ANKFY1: variants seen among roughly 807,000 people sequenced by gnomAD.
The protein encoded by ANKFY1 is ankyrin repeat and FYVE domain containing 1, also known as ankyrin repeat and FYVE domain-containing protein 1.
A neutral mutation model predicts 128.3 loss-of-function variants in ANKFY1; 47 were observed. The ratio of observed to expected loss-of-function variants is 0.37; its 90% CI spans 0.29 to 0.47. The LOEUF is 0.47. ANKFY1 is among the 20% of genes least tolerant of loss of function. The probability of loss-of-function intolerance (pLI) is 1.00; values close to 1 mark genes in which losing one functional copy is unlikely to be tolerated. For missense variants in ANKFY1, 1,222 were observed against 1,510.6 expected, an observed-to-expected ratio of 0.81 and a Z score of 3.17; for synonymous variants, 553 against 601.6, an observed-to-expected ratio of 0.92 and a Z score of 1.18.
intron 7 of ANKFY1, among the ~76,000 whole-genome samples, chr17:4,203,827 C>CAAAAAAAAAAAA (rs773865349): frequency 7.6e-4 from 59 of 77,712 alleles, no homozygotes; most frequent in East Asian, 2.0e-3. Context: ...ACAACAACAA[C>CAAAAAAAAAAAA]AAAAAAAAAA....
intron 3 of ANKFY1, among the ~76,000 whole-genome samples, chr17:4,219,154 A>C (rs899000820): frequency 6.6e-6 from 1 of 152,146 alleles, no homozygotes; most frequent in Admixed American, 6.5e-5. Flanking sequence ...CAATCTTTTT[A>C]AGTTAAAATA....
At chr17:4,220,606 T>C (rs2060294552) in intron 3 of ANKFY1, among the ~76,000 whole-genome samples, 1 of 152,252 alleles carries the variant, frequency 6.6e-6, no homozygotes, top group Admixed American at 6.5e-5. Flanking sequence ...GAGGGCTTGA[T>C]ATTTCAAACA....
chr17:4,223,496 G>A lies in ANKFY1; in HGVS notation c.323-6378C>T, dbSNP rs1308799646. The A allele has an allele frequency of 6.8e-6, 8 of 1,178,550 alleles. No individual in the cohort carries two copies. The Admixed American group carries it at 1.3e-4, about 20-fold the overall frequency. The allele number at this position is 1,178,550 out of a possible 1,614,324, so 73.0% of individuals were successfully genotyped here. A position where few individuals can be genotyped will look rare whatever the true frequency, so the allele number is the denominator to read the frequency against. ...CAATGCCGTCTCATGGACTATCACT[G>A]TCTGGGGGACAATGAAAACAGGCCA... On this transcript the variant is annotated intron_variant, in intron 3 of 24. Transcript: ENST00000341657.
chr17:4,217,825 G>A (rs1473429941), intron 3 of ANKFY1, among the ~76,000 whole-genome samples: 2 of 151,928 alleles, frequency 1.3e-5, no homozygotes, highest in African/African-American at 2.4e-5. Flanking sequence ...AGCTGGGACC[G>A]CAGGTGCATG....
At chr17:4,252,834 T>A (rs8074058) in intron 1 of ANKFY1, among the ~76,000 whole-genome samples, 79,250 of 152,060 alleles carry the variant, frequency 0.52, 22,735 homozygotes, top group East Asian at 0.8. Context: ...CACATCCATA[T>A]AATGGAAGAG....
At position 4,167,834 on chromosome 17, in the gene ANKFY1, G is replaced by A; in HGVS notation, c.3455C>T (p.Pro1152Leu). 1 of 1,614,056 alleles carries A rather than the reference G, an allele frequency of 6.2e-7. No individual in the cohort carries two copies. The highest frequency in any genetic ancestry group is 8.5e-7 in the Non-Finnish European group (1 of 1,179,974). The change falls in exon 25 of 25, where the codon CCT becomes CTT. Residue 1152 changes from proline to leucine, a missense_variant. Transcript: ENST00000341657. This position sits in a 1 kb window ranked among gnomAD's most constrained non-coding sequence, Gnocchi z 4.1. The part of the protein sequence containing the change: ...IPIIKFDLNK[P>L]VRVCNICFDV... ...AAAACAAATGTTGCAAACCCGCACA[G>A]GCTTGTTCAGATCAAACTTTATAAT... is the stretch of plus-strand genomic sequence containing the variant.
chr17:4,177,436 A>C (rs1194067596), intron 18 of ANKFY1, 134 bp from the exon 19 acceptor site: 4 of 744,750 alleles, frequency 5.4e-6, no homozygotes, highest in Non-Finnish European at 8.2e-6. Flanking sequence ...CCCCCTCCCA[A>C]GAATGAACAT....
intron 1 of ANKFY1, among the ~76,000 whole-genome samples, chr17:4,245,742 CAAA>C (rs71383536): frequency 3.6e-5 from 2 of 55,282 alleles, no homozygotes; most frequent in Non-Finnish European, 3.7e-5. Flanking sequence ...GACCCTGTCT[CAAA>C]AAAAAAAAAA....
chr17:4,256,510 G>A (rs1374101860), intron 1 of ANKFY1, among the ~76,000 whole-genome samples: 1 of 152,160 alleles, frequency 6.6e-6, no homozygotes, highest in African/African-American at 2.4e-5. Flanking sequence ...ACGAGGGAGA[G>A]AGGAAAGCAC....
At position 4,164,574 on chromosome 17, in the gene ANKFY1, C is replaced by T. The variant is rs2059178744; in HGVS notation, c.*3205G>A. ...CCTTCCTTGTTCCTGCTACTGTCAC[C>T]TGGGAAGTTAGCGTTAGCTTGCCTT... On this transcript the variant is annotated 3_prime_UTR_variant, in exon 25 of 25. Transcript: ENST00000341657. The T allele has an allele frequency of 6.6e-6, 1 of 152,274 alleles. No individual in the cohort carries two copies. The highest frequency in any genetic ancestry group is 1.9e-4 in the East Asian group (1 of 5,194). 9.4% of individuals were successfully genotyped at this position (152,274 alleles called of 1,614,324 possible).
intron 2 of ANKFY1, among the ~76,000 whole-genome samples, chr17:4,238,815 A>G (rs924059453): frequency 1.4e-4 from 21 of 150,708 alleles, no homozygotes; most frequent in African/African-American, 5.1e-4. Context: ...GCTGGAGTGC[A>G]GTGGCACGAC....
intron 11 of ANKFY1, chr17:4,188,225 C>T (rs112385534): frequency 0.028 from 4,271 of 152,328 alleles, 200 homozygotes; most frequent in African/African-American, 0.098. Context: ...CCGGTGCGCA[C>T]GGGGCCGCGC....
chr17:4,241,879 G>T (rs1005409083), intron 2 of ANKFY1, among the ~76,000 whole-genome samples: 2 of 151,672 alleles, frequency 1.3e-5, no homozygotes, highest in Non-Finnish European at 2.9e-5. Flanking sequence ...CATGAGGTCA[G>T]GAGACCAAGA....
chr17:4,258,838 T>G (rs893383), intron 1 of ANKFY1, among the ~76,000 whole-genome samples: 143,931 of 152,266 alleles, frequency 0.95, 68,592 homozygotes, highest in East Asian at 1. Flanking sequence ...TTTTCCCCAT[T>G]TTGCTTGGGT....
intron 7 of ANKFY1, among the ~76,000 whole-genome samples, chr17:4,197,871 T>C (rs939200544): frequency 2.6e-5 from 4 of 152,164 alleles, no homozygotes; most frequent in Non-Finnish European, 5.9e-5. Context: ...GGCTCATGCC[T>C]GTCGTCCCAA....
intron 1 of ANKFY1, among the ~76,000 whole-genome samples, chr17:4,261,513 G>A (rs1968415656): frequency 6.6e-6 from 1 of 152,224 alleles, no homozygotes; most frequent in Non-Finnish European, 1.5e-5. Context: ...GAAAGACTGT[G>A]AAGTCAGAAC....
At chr17:4,172,483 T>C in intron 22 of ANKFY1, 73 bp downstream of exon 22, 1 of 1,572,004 alleles carries the variant, frequency 6.4e-7, no homozygotes, top group Non-Finnish European at 8.6e-7. Context: ...TAACGACGTG[T>C]GCCTGGGCTC....
At chr17:4,247,256 A>T (rs1289164429) in intron 1 of ANKFY1, among the ~76,000 whole-genome samples, 2 of 152,208 alleles carry the variant, frequency 1.3e-5, no homozygotes, top group Non-Finnish European at 2.9e-5. Flanking sequence ...AGGAAACCAT[A>T]CACATTTCCT....
intron 1 of ANKFY1, chr17:4,263,559 G>A (rs1968538494): frequency 1.3e-6 from 2 of 1,483,918 alleles, no homozygotes; most frequent in South Asian, 1.2e-5. Flanking sequence ...GAACGTGCCA[G>A]GACAGCAGTT....
Sources: allele counts gnomAD v4.1 joint callset (sites outside exome capture counted in the v4.1 genomes callset), GRCh38; gene constraint gnomAD v4.1.1; non-coding constraint Gnocchi (gnomAD v3.1); transcripts MANE v1.5; gene names NCBI Gene and HGNC (gene_info 2026-07-23, HGNC 2026-07-21).